NFATC1: variants seen among roughly 807,000 people sequenced by gnomAD.
NFATC1 encodes nuclear factor of activated T-cells, cytoplasmic 1.
NFATC1 carries 22 observed loss-of-function variants against 76.0 expected under a neutral mutation model. The observed-to-expected ratio is 0.29, with a 90% CI of 0.21 to 0.41. The LOEUF is 0.41. Ranked by LOEUF, NFATC1 falls within the 10% of genes least tolerant of loss-of-function variation. The pLI, the probability that NFATC1 is intolerant of heterozygous loss-of-function variation, is 1.00. For synonymous variants in NFATC1, 704 were observed against 613.1 expected (o/e 1.15, Z -2.19); for missense variants, 1,357 against 1,337.7 (o/e 1.01, Z -0.23).
intron 1 of NFATC1, among the ~76,000 whole-genome samples, chr18:79,408,863 C>G (rs1291498972): frequency 6.6e-6 from 1 of 151,028 alleles, no homozygotes; most frequent in Non-Finnish European, 1.5e-5. Flanking sequence ...ATCATCAAAC[C>G]ATTATTCCTC....
At chr18:79,490,119 C>G (rs1486202990) in intron 9 of NFATC1, among the ~76,000 whole-genome samples, 6 of 151,692 alleles carry the variant, frequency 4.0e-5, no homozygotes, top group African/African-American at 1.4e-4. Context: ...CGTGGGCAGA[C>G]AGCCCCTCTC....
chr18:79,503,642 C>A (rs1415939823), intron 9 of NFATC1, among the ~76,000 whole-genome samples: 2 of 152,138 alleles, frequency 1.3e-5, no homozygotes, highest in Non-Finnish European at 2.9e-5. Context: ...ACACTGGATT[C>A]AACTTAAAGT....
intron 2 of NFATC1, among the ~76,000 whole-genome samples, chr18:79,416,946 G>A (rs2085897435): frequency 6.6e-6 from 1 of 152,182 alleles, no homozygotes; most frequent in Admixed American, 6.5e-5. Context: ...TGTGGGTACT[G>A]GGCTGGGCTG....
chr18:79,482,502 G>A (rs2089318592), intron 8 of NFATC1, among the ~76,000 whole-genome samples: 1 of 147,556 alleles, frequency 6.8e-6, no homozygotes, highest in Non-Finnish European at 1.5e-5. Flanking sequence ...TGTTTCCTGG[G>A]GTGTCATTCC....
chr18:79,483,790 C>T (rs866884745), intron 8 of NFATC1, among the ~76,000 whole-genome samples: 20 of 104,736 alleles, frequency 1.9e-4, no homozygotes, highest in African/African-American at 5.0e-4. Context: ...AGTGTGACCT[C>T]GTTCCTGAGG....
At chr18:79,433,823 A>G in intron 3 of NFATC1, 85 bp downstream of exon 3, 1 of 1,504,228 alleles carries the variant, frequency 6.6e-7, no homozygotes, top group Non-Finnish European at 8.9e-7. Flanking sequence ...CTGTGCTTAG[A>G]CTCTCCCAGC....
chr18:79,521,178 TCC>T (rs2090546289), intron 9 of NFATC1, among the ~76,000 whole-genome samples: 1 of 85,302 alleles, frequency 1.2e-5, no homozygotes, highest in Non-Finnish European at 2.3e-5. Flanking sequence ...CTGATGTGTG[TCC>T]ATGTGTGTGT....
chr18:79,410,413 C>T lies in NFATC1; in HGVS notation c.138C>T (p.Gly46=). 1 of 1,609,262 alleles carries T rather than the reference C, an allele frequency of 6.2e-7. No homozygotes were observed. The highest frequency in any genetic ancestry group is 1.3e-5 in the African/African-American group (1 of 75,016). The change falls in exon 2 of 10, where the codon GGC becomes GGT. Residue 46 remains glycine (G), a synonymous_variant. Transcript: ENST00000427363. This position sits in a 1 kb window ranked among gnomAD's most constrained non-coding sequence, Gnocchi z 6.7. ...TMKSAEEEHY[G]YASSNVSPAL... is the part of the protein sequence containing the mutation. ...TCTTTTTCTCTCTAGAACACTATGG[C>T]TATGCATCCTCCAACGTCAGCCCCG...
chr18:79,454,989 C>A (rs1238325387), intron 6 of NFATC1, among the ~76,000 whole-genome samples: 1 of 152,146 alleles, frequency 6.6e-6, no homozygotes, highest in Non-Finnish European at 1.5e-5. Flanking sequence ...CTGAGGGACA[C>A]ACTAACGTTC....
rs1287314045 is a variant in NFATC1 at position 79,396,190 on chromosome 18, C to T, written c.-35C>T. ...GGGGCGGCCGCTTCTCCTGTGCCTC[C>T]GCCCGCCGCTCCACTCCCCGCCGCC... On this transcript the variant is annotated 5_prime_UTR_variant, in exon 1 of 10. Coordinates refer to ENST00000427363, the MANE Select transcript of NFATC1 (RefSeq NM_001278669.2). The T allele has an allele frequency of 6.9e-7, 1 of 1,441,904 alleles. No homozygotes were observed. Among genetic ancestry groups the T allele is most frequent in the African/African-American group, 1.5e-5 (1 of 67,066 alleles). 89.3% of individuals were successfully genotyped at this position (1,441,904 alleles called of 1,614,324 possible).
Position 79,410,006 on chromosome 18 carries a change from C to T in NFATC1, c.128-397C>T, listed in dbSNP as rs182507. The T allele has an allele frequency of 0.76, 420,246 of 551,662 alleles. 164,337 individuals are homozygous for T. Among genetic ancestry groups the T allele is most frequent in the East Asian group, 0.94 (20,386 of 21,690 alleles). The allele number at this position is 551,662 out of a possible 1,614,324, so 34.2% of individuals were successfully genotyped here. A position where few individuals can be genotyped will look rare whatever the true frequency, so the allele number is the denominator to read the frequency against. On this transcript the variant is annotated intron_variant, in intron 1 of 9. Coordinates refer to ENST00000427363, the MANE Select transcript of NFATC1 (RefSeq NM_001278669.2). This position sits in a 1 kb window ranked among gnomAD's most constrained non-coding sequence, Gnocchi z 6.7. ...AGGAAGGTGGTTTTTGAATGAAGAG[C>T]GGAACCCGTGAGGACCCAGTCGCCT...
intron 8 of NFATC1, among the ~76,000 whole-genome samples, chr18:79,474,163 T>C (rs904777141): frequency 7.1e-6 from 1 of 140,774 alleles, no homozygotes; most frequent in African/African-American, 2.9e-5. Flanking sequence ...GGGAAGCGTG[T>C]TCTCACGCTC....
Position 79,478,769 on chromosome 18 carries a change from A to G in NFATC1, c.2093-7479A>G, listed in dbSNP as rs533873894. 9.2e-5 allele frequency among the ~76,000 whole-genome samples: 14 copies of G among 152,304 alleles called. 1 individual carries two copies. Among genetic ancestry groups the G allele is most frequent in the Admixed American group, 3.9e-4 (6 of 15,308 alleles). ...TCACCTGGGGCGGAAGCCCCCCTCC[A>G]GGACTCAGCTCCCAACGTCACTGCT... is the stretch of plus-strand genomic sequence containing the variant. On this transcript the variant is annotated intron_variant, in intron 8 of 9. Coordinates refer to ENST00000427363, the MANE Select transcript of NFATC1 (RefSeq NM_001278669.2).
At chr18:79,411,525 ACGGGGAGGCGAGGGGAGGCGCGGGG>A in intron 2 of NFATC1, 24 bp downstream of exon 2, 1 of 1,420,484 alleles carries the variant, frequency 7.0e-7, no homozygotes, top group South Asian at 1.7e-5. Context: ...GCGGGGCGGG[ACGGGGAGGCGAGGGGAGGCGCGGGG>A]CGGGGCGGAA....
intron 9 of NFATC1, among the ~76,000 whole-genome samples, chr18:79,494,635 G>A (rs111512776): frequency 2.6e-5 from 2 of 77,598 alleles, no homozygotes; most frequent in African/African-American, 1.0e-4. Context: ...AGGCGAGAGC[G>A]GGCACACGCC....
At chr18:79,424,549 GTCTCTGTCTC>G (rs879344374) in intron 2 of NFATC1, among the ~76,000 whole-genome samples, 2 of 147,984 alleles carry the variant, frequency 1.4e-5, no homozygotes, top group Non-Finnish European at 3.0e-5. Context: ...CTCTCTCTCT[GTCTCTGTCTC>G]TCTCTGTCTC....
intron 3 of NFATC1, among the ~76,000 whole-genome samples, chr18:79,439,044 C>T (rs1352296123): frequency 6.6e-6 from 1 of 152,206 alleles, no homozygotes; most frequent in Non-Finnish European, 1.5e-5. Flanking sequence ...TGTGTGGTAC[C>T]TTCAGCTGGC....
Position 79,410,986 on chromosome 18 carries a change from C to T in NFATC1, c.711C>T (p.Ser237=), listed in dbSNP as rs757764787. The change falls in exon 2 of 10, where the codon TCC becomes TCT. Residue 237 remains serine, a synonymous_variant. Coordinates refer to ENST00000427363, the MANE Select transcript of NFATC1 (RefSeq NM_001278669.2). This position sits in a 1 kb window ranked among gnomAD's most constrained non-coding sequence, Gnocchi z 6.7. ...CACTGCTGGGTTCCCCGCGGCACTC[C>T]CCCTCCACCTCGCCCCGCGCCAGCG... ...ACTLLGSPRH[S]PSTSPRASVT... The T allele has an allele frequency of 6.2e-7, 1 of 1,606,346 alleles. No individual in the cohort carries two copies. The highest frequency in any genetic ancestry group is 8.5e-7 in the Non-Finnish European group (1 of 1,176,718).
intron 8 of NFATC1, among the ~76,000 whole-genome samples, chr18:79,482,780 G>A (rs576573302): frequency 7.3e-6 from 1 of 136,060 alleles, no homozygotes; most frequent in South Asian, 2.4e-4. Context: ...TGTAATTCCA[G>A]CGTGACCTGG....
Sources: gnomAD v4.1 joint callset for allele counts (sites outside exome capture counted in the v4.1 genomes callset) on GRCh38, gnomAD v4.1.1 for gene constraint, Gnocchi (gnomAD v3.1) non-coding constraint, MANE v1.5 for transcripts, NCBI Gene and HGNC (gene_info 2026-07-23, HGNC 2026-07-21) for gene names.